The following DNM2 variants were observed in gnomAD, a reference collection of about 807,000 sequenced individuals.
DNM2 encodes the protein dynamin-2.
DNM2 carries 15 observed loss-of-function variants against 99.0 expected under a neutral mutation model. The ratio of observed to expected loss-of-function variants is 0.15; its 90% CI spans 0.10 to 0.23. The LOEUF (loss-of-function observed/expected upper bound fraction) is 0.23. Ranked by LOEUF, DNM2 falls within the 10% of genes least tolerant of loss-of-function variation. DNM2 has a pLI of 1.00. For missense variants in DNM2, 742 were observed against 1,189.4 expected, an observed-to-expected ratio of 0.62 and a Z score of 5.53; for synonymous variants, 525 against 481.2, an observed-to-expected ratio of 1.09 and a Z score of -1.19.
At chr19:10,829,496 G>T (rs985235797) in intron 19 of DNM2, among the ~76,000 whole-genome samples, 1 of 152,154 alleles carries the variant, frequency 6.6e-6, no homozygotes, top group African/African-American at 2.4e-5. Flanking sequence ...TAAATACCCC[G>T]CCTGCCCTCT....
chr19:10,804,958 A>G (rs2072282301), intron 12 of DNM2, among the ~76,000 whole-genome samples: 1 of 152,248 alleles, frequency 6.6e-6, no homozygotes, highest in African/African-American at 2.4e-5. Context: ...AGAAAAGACA[A>G]GAAAATATGA....
At chr19:10,808,537 T>A in intron 13 of DNM2, 32 bp from the exon 14 acceptor site, 1 of 1,610,810 alleles carries the variant, frequency 6.2e-7, no homozygotes, top group Non-Finnish European at 8.5e-7. Flanking sequence ...CTTCCCTGAT[T>A]TACCCACAAC....
At chr19:10,767,096 C>T (rs2070822739) in intron 2 of DNM2, among the ~76,000 whole-genome samples, 1 of 151,990 alleles carries the variant, frequency 6.6e-6, no homozygotes, top group South Asian at 2.1e-4. Context: ...GGGACCGGGA[C>T]AGGCAGAGCC....
At chr19:10,829,647 G>C (rs1436756853) in intron 19 of DNM2, among the ~76,000 whole-genome samples, 1 of 152,184 alleles carries the variant, frequency 6.6e-6, no homozygotes, top group Non-Finnish European at 1.5e-5. Flanking sequence ...GCAAGGCGTG[G>C]CCAGAGCTGC....
chr19:10,749,091 C>T (rs977908037), intron 1 of DNM2, among the ~76,000 whole-genome samples: 3 of 152,210 alleles, frequency 2.0e-5, no homozygotes, highest in African/African-American at 7.2e-5. Flanking sequence ...GCCCTGCCAG[C>T]ACCAGGCTGC....
intron 7 of DNM2, among the ~76,000 whole-genome samples, chr19:10,791,324 G>A (rs1413026534): frequency 2.0e-5 from 3 of 152,094 alleles, no homozygotes; most frequent in Non-Finnish European, 4.4e-5. Flanking sequence ...CTTAGCTCAA[G>A]CGATCCTCCT....
At position 10,783,000 on chromosome 19, in the gene DNM2, G is replaced by T; in HGVS notation, c.729G>T (p.Glu243Asp). The T allele has an allele frequency of 6.2e-7, 1 of 1,614,158 alleles. No individual in the cohort carries two copies. The highest frequency in any genetic ancestry group is 8.5e-7 in the Non-Finnish European group (1 of 1,180,046). The change falls in exon 6 of 21, where the codon GAG (glutamate) becomes GAT (aspartate). Residue 243 changes from glutamate to aspartate, a missense_variant. Transcript: ENST00000389253. ...TGAACCGCAGCCAGAAGGATATTGAGGGCAAGAAGGACATCCGTGCAGCAC... is the reference window on the plus strand; with the variant it reads ...TGAACCGCAGCCAGAAGGATATTGATGGCAAGAAGGACATCCGTGCAGCAC... The part of the protein sequence containing the change: ...GVVNRSQKDI[E>D]GKKDIRAALA...
intron 6 of DNM2, among the ~76,000 whole-genome samples, chr19:10,784,038 C>T (rs2071471405): frequency 6.6e-6 from 1 of 152,110 alleles, no homozygotes; most frequent in South Asian, 2.1e-4. Flanking sequence ...TCACATGGTG[C>T]ATAAACAGAA....
chr19:10,789,702 T>G (rs1344876883), intron 7 of DNM2, among the ~76,000 whole-genome samples: 3 of 151,992 alleles, frequency 2.0e-5, no homozygotes, highest in Non-Finnish European at 4.4e-5. Flanking sequence ...GGTGTGGTGG[T>G]GGGCACCTGT....
intron 18 of DNM2, among the ~76,000 whole-genome samples, chr19:10,828,325 C>T (rs537558636): frequency 1.3e-5 from 2 of 152,024 alleles, no homozygotes; most frequent in Admixed American, 6.6e-5. Flanking sequence ...CGGTGGCTCA[C>T]GCCTGTAATC....
In DNM2 at chr19:10,775,905, A is replaced by C; in HGVS notation, c.588A>C (p.Gln196His). The change falls in exon 4 of 21, where the codon CAA becomes CAC. Residue 196 changes from glutamine (Q) to histidine (H), a missense_variant and splice_region_variant. By Grantham distance (24) the Gln-to-His change is conservative. Transcript: ENST00000389253. The surrounding 1 kb of genome is among the most constrained non-coding windows in gnomAD (Gnocchi z 4.3). ...AGCTGGCCAAGGAAGTCGATCCCCAAGGTAACCCTGAGCCTAGGGCAGTCC... is the reference window on the plus strand; with the variant it reads ...AGCTGGCCAAGGAAGTCGATCCCCACGGTAACCCTGAGCCTAGGGCAGTCC... ...ALKLAKEVDP[Q>H]GLRTIGVITK... 6.2e-7 allele frequency: 1 copy of C among 1,611,062 alleles called. No homozygotes were observed. The highest frequency in any genetic ancestry group is 1.1e-5 in the South Asian group (1 of 91,072).
In DNM2 at chr19:10,783,083, G is replaced by A. The variant is rs781546006; in HGVS notation, c.812G>A (p.Arg271His). Reference sequence around the variant, plus strand: ...CCGGCCTACCGGCACATGGCCGACCGCATGGGCACGCCACATCTGCAGAAG... The same window carrying A: ...CCGGCCTACCGGCACATGGCCGACCACATGGGCACGCCACATCTGCAGAAG... ...SHPAYRHMAD[R>H]MGTPHLQKTL... Residue 271 changes from arginine to histidine, a missense_variant, in exon 6 of 21, where the codon CGC (arginine) becomes CAC (histidine). By Grantham distance (29) the Arg-to-His change is conservative. Transcript: ENST00000389253. The A allele has an allele frequency of 7.0e-5, 113 of 1,613,282 alleles. 1 individual carries two copies. The highest frequency in any genetic ancestry group is 6.5e-4 in the South Asian group (59 of 91,096).
At chr19:10,825,274 C>T in intron 18 of DNM2, 53 bp downstream of exon 18, 4 of 1,606,850 alleles carry the variant, frequency 2.5e-6, no homozygotes, top group Non-Finnish European at 3.4e-6. Context: ...GTGGCTCACG[C>T]CTGTAATCCC....
chr19:10,739,856 T>C (rs541879884), intron 1 of DNM2, among the ~76,000 whole-genome samples: 1 of 101,042 alleles, frequency 9.9e-6, no homozygotes, highest in Non-Finnish European at 1.8e-5. Context: ...ACTCTCTCTC[T>C]CTCTCAAAAA....
chr19:10,724,618 G>A (rs2069053195), intron 1 of DNM2, among the ~76,000 whole-genome samples: 2 of 152,190 alleles, frequency 1.3e-5, no homozygotes. Context: ...CAGTTTAGCA[G>A]GCCAGTGGAG....
chr19:10,830,084 A>C lies in DNM2; in HGVS notation c.2292-43A>C, dbSNP rs1471774387. On this transcript the variant is annotated intron_variant, in intron 19 of 20. Coordinates refer to ENST00000389253, the MANE Select transcript of DNM2 (RefSeq NM_001005361.3). The surrounding 1 kb of genome is among the most constrained non-coding windows in gnomAD (Gnocchi z 4.8). ...CCACAGTGGCATGGCGGGGGCTCCT[A>C]CTCCATCTGTATCTGTAGCTCACAC... 3 of 1,612,782 alleles carry C rather than the reference A, an allele frequency of 1.9e-6. No individual in the cohort carries two copies. The highest frequency in any genetic ancestry group is 2.5e-6 in the Non-Finnish European group (3 of 1,179,462).
chr19:10,761,698 C>T (rs2070638115), intron 2 of DNM2, among the ~76,000 whole-genome samples: 1 of 152,182 alleles, frequency 6.6e-6, no homozygotes, highest in African/African-American at 2.4e-5. Context: ...TCCAATGGGC[C>T]CCAGATCTGG....
In DNM2 at chr19:10,798,473, C is replaced by A; in HGVS notation, c.1336-13C>A. Reference sequence around the variant, plus strand: ...GGACCCCGCCAATGCGACCACTCTGCTTGTTCCCCCAGCTCAGTTCCTACC... The same window carrying A: ...GGACCCCGCCAATGCGACCACTCTGATTGTTCCCCCAGCTCAGTTCCTACC... On this transcript the variant is annotated splice_polypyrimidine_tract_variant and intron_variant, in intron 10 of 20. Coordinates refer to ENST00000389253, the MANE Select transcript of DNM2 (RefSeq NM_001005361.3). 1 of 1,614,106 alleles carries A rather than the reference C, an allele frequency of 6.2e-7. No homozygotes were observed. The highest frequency in any genetic ancestry group is 1.1e-5 in the South Asian group (1 of 91,086).
Position 10,786,444 on chromosome 19 carries a change from G to T in DNM2, c.850-120G>T, listed in dbSNP as rs578192365. On this transcript the variant is annotated intron_variant, in intron 6 of 20. Coordinates refer to ENST00000389253, the MANE Select transcript of DNM2 (RefSeq NM_001005361.3). ...ATCTGTTGCTGTCTCTCAAGGCTGT[G>T]TGGTGTGGTGGCCGCATAGTGGCAC... 8 of 1,452,354 alleles carry T rather than the reference G, an allele frequency of 5.5e-6. No individual in the cohort carries two copies. The African/African-American group carries it at 9.7e-5, about 18-fold the overall frequency. 90.0% of individuals were successfully genotyped at this position (1,452,354 alleles called of 1,614,324 possible). A position where few individuals can be genotyped will look rare whatever the true frequency, so the allele number is the denominator to read the frequency against.
Sources: allele counts gnomAD v4.1 joint callset (sites outside exome capture counted in the v4.1 genomes callset), GRCh38; gene constraint gnomAD v4.1.1; non-coding constraint Gnocchi (gnomAD v3.1); transcripts MANE v1.5; gene names NCBI Gene and HGNC (gene_info 2026-07-23, HGNC 2026-07-21).